The following CNOT1 variants were observed in gnomAD, a reference collection of about 807,000 sequenced individuals.
CNOT1 encodes CCR4-associated factor 1.
CNOT1 carries 15 observed loss-of-function variants against 273.8 expected under a neutral mutation model. The ratio of observed to expected loss-of-function variants is 0.05; its 90% CI spans 0.04 to 0.08. CNOT1 has a LOEUF of 0.08. Ranked by LOEUF, CNOT1 falls within the 10% of genes least tolerant of loss-of-function variation. The pLI is 1.00. For missense variants in CNOT1, 1,644 were observed against 2,912.2 expected (o/e 0.56, Z 10.02); for synonymous variants, 1,022 against 1,005.5 (o/e 1.02, Z -0.31).
At chr16:58,572,403 A>G (rs2041305521) in intron 16 of CNOT1, among the ~76,000 whole-genome samples, 1 of 152,138 alleles carries the variant, frequency 6.6e-6, no homozygotes, top group Non-Finnish European at 1.5e-5. Context: ...TGGAGGCCAA[A>G]GTGGTAGGAT....
chr16:58,560,001 G>T, intron 17 of CNOT1: 2 of 1,350,906 alleles, frequency 1.5e-6, no homozygotes, highest in Non-Finnish European at 1.0e-6. Flanking sequence ...TAAATTGTCT[G>T]TATATTTCCT....
intron 8 of CNOT1, among the ~76,000 whole-genome samples, chr16:58,584,905 T>G (rs966170615): frequency 2.0e-5 from 3 of 151,300 alleles, no homozygotes; most frequent in Non-Finnish European, 4.4e-5. Context: ...CCTAAGCAAG[T>G]GAGAAAAATA....
At chr16:58,618,553 AG>A (rs1245019254) in intron 1 of CNOT1, among the ~76,000 whole-genome samples, 1 of 152,034 alleles carries the variant, frequency 6.6e-6, no homozygotes, top group Non-Finnish European at 1.5e-5. Context: ...ATTGCACTCC[AG>A]GCTGGGCGAC....
At chr16:58,540,856 T>C (rs2040072003) in intron 34 of CNOT1, among the ~76,000 whole-genome samples, 1 of 152,258 alleles carries the variant, frequency 6.6e-6, no homozygotes, top group African/African-American at 2.4e-5. Context: ...TATTTTTCCC[T>C]ATATTTCCAA....
chr16:58,590,049 T>C (rs1385437525), intron 2 of CNOT1, among the ~76,000 whole-genome samples: 1 of 152,236 alleles, frequency 6.6e-6, no homozygotes, highest in East Asian at 1.9e-4. Flanking sequence ...TGAAATTTTG[T>C]ATAGCTGTGT....
intron 1 of CNOT1, among the ~76,000 whole-genome samples, chr16:58,627,317 T>A (rs1484828146): frequency 6.9e-6 from 1 of 144,444 alleles, no homozygotes; most frequent in East Asian, 2.2e-4. Flanking sequence ...GAGGCAGAAT[T>A]GCTTGAACCC....
chr16:58,532,100 G>A (rs774088486), intron 41 of CNOT1, 25 bp from the exon 42 acceptor site: 1 of 1,613,634 alleles, frequency 6.2e-7, no homozygotes, highest in East Asian at 2.2e-5. Context: ...ACCTTAGTCA[G>A]AAGCACAGTC....
At chr16:58,534,419 G>C (rs2039864587) in intron 39 of CNOT1, 24 bp from the exon 40 acceptor site, 1 of 1,608,790 alleles carries the variant, frequency 6.2e-7, no homozygotes, top group Non-Finnish European at 8.5e-7. Flanking sequence ...AAAAAATAAA[G>C]ACACAATGAG....
chr16:58,612,300 T>C (rs1363928993), intron 1 of CNOT1, among the ~76,000 whole-genome samples: 1 of 152,116 alleles, frequency 6.6e-6, no homozygotes, highest in African/African-American at 2.4e-5. Context: ...ACTAAAAAAA[T>C]ACTAAATACT....
At chr16:58,587,672 C>G (rs1403414140) in intron 4 of CNOT1, 108 bp downstream of exon 4, 1 of 1,309,158 alleles carries the variant, frequency 7.6e-7, no homozygotes, top group Non-Finnish European at 1.0e-6. Flanking sequence ...CCCAAAATAA[C>G]AACCTGAAAT....
At chr16:58,584,070 A>G (rs1252669069) in intron 8 of CNOT1, among the ~76,000 whole-genome samples, 3 of 149,948 alleles carry the variant, frequency 2.0e-5, no homozygotes, top group Non-Finnish European at 3.0e-5. Flanking sequence ...CAGGAGGCTG[A>G]GGCAGGAAAA....
In CNOT1 at chr16:58,558,680, G is replaced by T. The variant is rs1286092634; in HGVS notation, c.2131-6C>A. 1 of 1,611,958 alleles carries T rather than the reference G, an allele frequency of 6.2e-7. No individual in the cohort carries two copies. Among genetic ancestry groups the T allele is most frequent in the Non-Finnish European group, 8.5e-7 (1 of 1,178,972 alleles). ...ATTCCAGCAAGAGGGTCAATCTAAA[G>T]AAAAACATTATAAAAATGTATTAAA... On this transcript the variant is annotated splice_region_variant and splice_polypyrimidine_tract_variant and intron_variant, in intron 17 of 48. Transcript: ENST00000317147.
intron 3 of CNOT1, among the ~76,000 whole-genome samples, 187 bp downstream of exon 3, chr16:58,588,606 GGTAGCT>G (rs371883746): frequency 3.3e-5 from 5 of 152,134 alleles, no homozygotes; most frequent in African/African-American, 1.2e-4. Context: ...ACCTGAACTA[GGTAGCT>G]GTTATAGTCT....
At chr16:58,624,693 G>A (rs565975701) in intron 1 of CNOT1, 1 of 152,320 alleles carries the variant, frequency 6.6e-6, no homozygotes, top group Non-Finnish European at 1.5e-5. Flanking sequence ...AGCTACTCGG[G>A]AGGCTGAGGG....
chr16:58,551,482 T>A (rs924500291), intron 23 of CNOT1, 107 bp downstream of exon 23: 13 of 1,333,292 alleles, frequency 9.8e-6, no homozygotes, highest in African/African-American at 2.9e-5. Flanking sequence ...GTCTTTTATA[T>A]CTTTTTTAGT....
chr16:58,550,150 T>C (rs1450953248), intron 24 of CNOT1, among the ~76,000 whole-genome samples: 1 of 152,318 alleles, frequency 6.6e-6, no homozygotes, highest in South Asian at 2.1e-4. Flanking sequence ...TTATAAAACA[T>C]GTAGTACCCC....
In CNOT1 at chr16:58,599,264, T is replaced by C. The variant is rs772259582; in HGVS notation, c.74A>G (p.Tyr25Cys). Residue 25 changes from tyrosine (Y) to cysteine (C), a missense_variant, in exon 2 of 49, where the codon TAC becomes TGC. Transcript: ENST00000317147. Reference sequence around the variant, plus strand: ...CTGTATTTCCTGCTGGCTGGCTCGGTAATTTTTCTTGGTTAAATTGTCCAC... The same window carrying C: ...CTGTATTTCCTGCTGGCTGGCTCGGCAATTTTTCTTGGTTAAATTGTCCAC... ...YLVDNLTKKN[Y>C]RASQQEIQHI... The C allele has an allele frequency of 6.2e-7, 1 of 1,614,190 alleles. No homozygotes were observed. The highest frequency in any genetic ancestry group is 1.7e-5 in the Admixed American group (1 of 60,016).
chr16:58,543,409 CA>C (rs2040157474), intron 31 of CNOT1, 197 bp downstream of exon 31: 2 of 1,441,726 alleles, frequency 1.4e-6, no homozygotes, highest in South Asian at 2.9e-5. Context: ...GAGAATATAA[CA>C]GAAAAAAAAA....
chr16:58,597,771 G>T, intron 2 of CNOT1: 1 of 499,462 alleles, frequency 2.0e-6, no homozygotes. Context: ...GAGTCCAGGG[G>T]CCCAAGGCTC....
Sources: allele counts gnomAD v4.1 joint callset (sites outside exome capture counted in the v4.1 genomes callset), GRCh38; gene constraint gnomAD v4.1.1; transcripts MANE v1.5; gene names NCBI Gene and HGNC (gene_info 2026-07-23, HGNC 2026-07-21).